The following FER variants were observed in gnomAD, a reference collection of about 807,000 sequenced individuals.
FER encodes the protein FER tyrosine kinase, also known as tyrosine-protein kinase Fer.
FER carries 63 observed loss-of-function variants against 111.0 expected under a neutral mutation model. The ratio of observed to expected loss-of-function variants is 0.57; its 90% confidence interval spans 0.46 to 0.70. The LOEUF (loss-of-function observed/expected upper bound fraction) is 0.70. Ranked by LOEUF, FER falls within the 30% of genes least tolerant of loss-of-function variation. The probability of loss-of-function intolerance (pLI) is 0.00; values close to 1 mark genes in which losing one functional copy is unlikely to be tolerated. For missense variants in FER, 914 were observed against 954.0 expected (o/e 0.96, Z 0.55); for synonymous variants, 327 against 313.9 (o/e 1.04, Z -0.44).
chr5:108,995,328 A>C (rs1038537655), intron 13 of FER, among the ~76,000 whole-genome samples: 3 of 152,066 alleles, frequency 2.0e-5, no homozygotes, highest in Non-Finnish European at 4.4e-5. Context: ...CAGGTTTGTT[A>C]CATAGGTATA....
Position 108,798,114 on chromosome 5 carries a change from A to G in FER, c.-59-10A>G. 9.5e-7 allele frequency: 1 copy of G among 1,057,232 alleles called. No homozygotes were observed. The highest frequency in any genetic ancestry group is 2.2e-4 in the Middle Eastern group (1 of 4,606). The allele number at this position is 1,057,232 out of a possible 1,614,324, so 65.5% of individuals were successfully genotyped here. The stretch of plus-strand genomic sequence containing the variant: ...ATTTAAGAGTTTTTCTCTTTTGTTT[A>G]CATACACAGATATGTGCTGATTAGA... On this transcript the variant is annotated splice_polypyrimidine_tract_variant and intron_variant, in intron 2 of 19. Transcript: ENST00000281092.
chr5:108,927,250 C>CTTTTTTTTTTTTTTTTTT (rs773963733), intron 10 of FER, among the ~76,000 whole-genome samples: 10 of 95,352 alleles, frequency 1.0e-4, no homozygotes, highest in South Asian at 2.6e-4. Context: ...TGAGAAGTGG[C>CTTTTTTTTTTTTTTTTTT]TCTTTTTTTT....
At chr5:109,103,484 A>G (rs146554916) in intron 17 of FER, among the ~76,000 whole-genome samples, 91 of 152,308 alleles carry the variant, frequency 6.0e-4, no homozygotes, top group African/African-American at 1.9e-3. Flanking sequence ...GCATTAAGAA[A>G]TGACCTGCAT....
chr5:108,815,262 T>A (rs993585309), intron 3 of FER, among the ~76,000 whole-genome samples: 1 of 152,048 alleles, frequency 6.6e-6, no homozygotes, highest in Non-Finnish European at 1.5e-5. Context: ...AAAATGTAAA[T>A]GTACCTGTTA....
At chr5:109,115,065 T>A (rs937638067) in intron 17 of FER, among the ~76,000 whole-genome samples, 1 of 152,114 alleles carries the variant, frequency 6.6e-6, no homozygotes, top group South Asian at 2.1e-4. Flanking sequence ...AATAATGAAT[T>A]TATTTTAATT....
intron 9 of FER, among the ~76,000 whole-genome samples, chr5:108,892,183 T>A (rs1748204161): frequency 1.3e-5 from 2 of 152,192 alleles, no homozygotes; most frequent in South Asian, 2.1e-4. Flanking sequence ...ATATACCCAG[T>A]AATGGGATGG....
rs1261946820 is a variant in FER at position 109,054,601 on chromosome 5, TTTAA to T, written c.1924+7409_1924+7412del. ...GAAAAACATCTTTATTTTGATAAAG[TTTAA>T]TTAATCAATTTTTTTCTTTTATGGA... On this transcript the variant is annotated intron_variant, in intron 16 of 19. Transcript: ENST00000281092. Among the ~76,000 whole-genome samples, 13 of 152,352 alleles carry T rather than the reference TTTAA, an allele frequency of 8.5e-5. No individual in the cohort carries two copies. The East Asian group carries it at 1.5e-3, about 18-fold the overall frequency.
intron 17 of FER, among the ~76,000 whole-genome samples, chr5:109,172,532 C>T (rs1412171059): frequency 6.9e-6 from 1 of 145,378 alleles, no homozygotes; most frequent in Non-Finnish European, 1.5e-5. Context: ...ATACCTAATG[C>T]TAAATGACGA....
intron 2 of FER, among the ~76,000 whole-genome samples, chr5:108,794,532 C>CA (rs1278453018): frequency 2.3e-5 from 3 of 131,928 alleles, no homozygotes; most frequent in Non-Finnish European, 5.0e-5. Context: ...CCGCACCCCC[C>CA]CCCCTCCCCG....
intron 13 of FER, among the ~76,000 whole-genome samples, chr5:109,033,838 A>G (rs1769985520): frequency 1.3e-5 from 2 of 152,080 alleles, no homozygotes. Flanking sequence ...TTTATTATTT[A>G]AATTTTTACT....
chr5:108,792,614 G>A (rs537543536), intron 2 of FER, among the ~76,000 whole-genome samples: 1 of 151,806 alleles, frequency 6.6e-6, no homozygotes, highest in South Asian at 2.1e-4. Context: ...TGGGATTACA[G>A]GTGTGAGCCA....
chr5:108,994,383 T>A (rs1354028491), intron 13 of FER, among the ~76,000 whole-genome samples: 2 of 152,208 alleles, frequency 1.3e-5, no homozygotes, highest in Non-Finnish European at 2.9e-5. Context: ...TCCCCATTGC[T>A]TGTTTTTGCC....
intron 14 of FER, among the ~76,000 whole-genome samples, chr5:109,040,603 G>A (rs1219432044): frequency 1.3e-5 from 2 of 152,154 alleles, no homozygotes; most frequent in African/African-American, 2.4e-5. Flanking sequence ...ATGGATTTGA[G>A]AGGAACGGGA....
chr5:109,134,985 A>T (rs79674395), intron 17 of FER, among the ~76,000 whole-genome samples: 15,960 of 152,232 alleles, frequency 0.1, 852 homozygotes, highest in Non-Finnish European at 0.12. Context: ...TTGTTCACCA[A>T]TATTTCTTTA....
At chr5:108,769,538 G>C (rs1400028295) in intron 2 of FER, among the ~76,000 whole-genome samples, 2 of 152,176 alleles carry the variant, frequency 1.3e-5, no homozygotes, top group Admixed American at 1.3e-4. Context: ...TGGTTGAAAG[G>C]AAAGTGAAAG....
At chr5:108,859,972 C>T (rs1763356730) in intron 5 of FER, among the ~76,000 whole-genome samples, 1 of 135,078 alleles carries the variant, frequency 7.4e-6, no homozygotes, top group Admixed American at 7.1e-5. Context: ...GATGGAGTCT[C>T]TCTCTGTCGC....
intron 13 of FER, among the ~76,000 whole-genome samples, chr5:109,020,889 G>T (rs60144513): frequency 0.03 from 4,580 of 151,940 alleles, 105 homozygotes; most frequent in African/African-American, 0.064. Context: ...TTTTCTAAAT[G>T]GTCCTGTTTG....
chr5:108,859,676 T>C (rs934608709), intron 5 of FER, among the ~76,000 whole-genome samples: 2 of 152,150 alleles, frequency 1.3e-5, no homozygotes, highest in Non-Finnish European at 2.9e-5. Context: ...TCATTCACTT[T>C]ACAGGTTGTT....
chr5:109,014,297 A>G (rs942245104), intron 13 of FER, among the ~76,000 whole-genome samples: 1 of 152,198 alleles, frequency 6.6e-6, no homozygotes, highest in Non-Finnish European at 1.5e-5. Flanking sequence ...AGCTTTCTAC[A>G]TATGGCTAGC....
Sources: gnomAD v4.1 joint callset for allele counts (sites outside exome capture counted in the v4.1 genomes callset) on GRCh38, gnomAD v4.1.1 for gene constraint, MANE v1.5 for transcripts, NCBI Gene and HGNC (gene_info 2026-07-23, HGNC 2026-07-21) for gene names.